Variants in TBC1D9 observed in about 807,000 individuals in gnomAD.
TBC1D9 encodes TBC1 domain family member 9A.
In TBC1D9, 63 loss-of-function variants were observed where a neutral mutation model predicts 132.0. The observed-to-expected ratio is 0.48, with a 90% CI of 0.39 to 0.59. TBC1D9 has a LOEUF of 0.59. Ranked by LOEUF, TBC1D9 falls within the 20% of genes least tolerant of loss-of-function variation. The pLI is 0.00. For missense variants in TBC1D9, 1,261 were observed against 1,592.7 expected (o/e 0.79, Z 3.54); for synonymous variants, 610 against 609.9 (o/e 1.00, Z 0.00).
intron 15 of TBC1D9, among the ~76,000 whole-genome samples, chr4:140,634,593 G>A (rs1213953715): frequency 9.2e-5 from 14 of 152,248 alleles, no homozygotes; most frequent in Admixed American, 6.5e-4. Context: ...TAATGTGACC[G>A]CCTTGTTTTC....
At chr4:140,664,752 C>A (rs1737416339) in intron 9 of TBC1D9, among the ~76,000 whole-genome samples, 1 of 152,088 alleles carries the variant, frequency 6.6e-6, no homozygotes, top group Non-Finnish European at 1.5e-5. Context: ...GGTGCTGGGA[C>A]AACTAGATAT....
chr4:140,699,342 C>A (rs1203675289), intron 2 of TBC1D9, among the ~76,000 whole-genome samples: 1 of 152,100 alleles, frequency 6.6e-6, no homozygotes, highest in Non-Finnish European at 1.5e-5. Context: ...TAGTGATTTC[C>A]CTCCAAAGAG....
At chr4:140,686,206 A>G in intron 3 of TBC1D9, 138 bp downstream of exon 3, 1 of 579,202 alleles carries the variant, frequency 1.7e-6, no homozygotes, top group Non-Finnish European at 3.0e-6. Flanking sequence ...ACATATGAGA[A>G]AGCAAATGCA....
intron 11 of TBC1D9, among the ~76,000 whole-genome samples, chr4:140,659,090 G>A (rs1737317433): frequency 6.6e-6 from 1 of 152,180 alleles, no homozygotes; most frequent in African/African-American, 2.4e-5. Context: ...AGAATTACAA[G>A]GAGTAACAGC....
At chr4:140,689,964 C>T (rs146288126) in intron 2 of TBC1D9, among the ~76,000 whole-genome samples, 272 of 151,148 alleles carry the variant, frequency 1.8e-3, no homozygotes, top group African/African-American at 5.3e-3. Flanking sequence ...TCAAGCAATC[C>T]GCCAGCCTTG....
In TBC1D9 at chr4:140,630,093, A is replaced by G. The variant is rs529169031; in HGVS notation, c.2747-1728T>C. Reference sequence around the variant, plus strand: ...ATTCCATGCTGGAAACCACTATTATACTACATGCAGACATCCTAGGTAGTT... The same window carrying G: ...ATTCCATGCTGGAAACCACTATTATGCTACATGCAGACATCCTAGGTAGTT... On this transcript the variant is annotated intron_variant, in intron 16 of 20. Transcript: ENST00000442267. 3.9e-5 allele frequency among the ~76,000 whole-genome samples: 6 copies of G among 152,312 alleles called. No individual in the cohort carries two copies. In the East Asian group the frequency reaches 1.2e-3, roughly 29 times the overall value.
At chr4:140,698,372 A>G (rs1578845769) in intron 2 of TBC1D9, among the ~76,000 whole-genome samples, 1 of 152,190 alleles carries the variant, frequency 6.6e-6, no homozygotes, top group Non-Finnish European at 1.5e-5. Flanking sequence ...CCTTGAAGCC[A>G]TGCCTTCGTT....
At chr4:140,676,809 A>G (rs1229212068) in intron 6 of TBC1D9, 85 bp downstream of exon 6, 17 of 1,526,792 alleles carry the variant, frequency 1.1e-5, no homozygotes, top group Non-Finnish European at 1.4e-5. Flanking sequence ...TCAAAAGCCA[A>G]TTGTTGGTAA....
intron 15 of TBC1D9, among the ~76,000 whole-genome samples, chr4:140,635,762 T>C (rs1003304179): frequency 6.6e-6 from 1 of 152,086 alleles, no homozygotes; most frequent in African/African-American, 2.4e-5. Context: ...CTTGAGAGAA[T>C]AAAGGAAACT....
chr4:140,629,058 A>G (rs903154086), intron 16 of TBC1D9, among the ~76,000 whole-genome samples: 7 of 152,232 alleles, frequency 4.6e-5, no homozygotes, highest in Non-Finnish European at 2.9e-5. Flanking sequence ...AATAGGAATC[A>G]TAGAATCTGG....
intron 1 of TBC1D9, among the ~76,000 whole-genome samples, chr4:140,748,061 G>A (rs550067694): frequency 9.2e-5 from 14 of 152,232 alleles, no homozygotes; most frequent in African/African-American, 1.2e-4. Flanking sequence ...GAGCATGAAT[G>A]AAAATTAGGA....
intron 13 of TBC1D9, among the ~76,000 whole-genome samples, chr4:140,647,240 C>T (rs1160028095): frequency 6.6e-6 from 1 of 152,186 alleles, no homozygotes; most frequent in African/African-American, 2.4e-5. Context: ...TAGACTGCTA[C>T]CTCTGTTTTG....
At chr4:140,717,360 C>T (rs890848865) in intron 1 of TBC1D9, among the ~76,000 whole-genome samples, 1 of 152,180 alleles carries the variant, frequency 6.6e-6, no homozygotes, top group African/African-American at 2.4e-5. Flanking sequence ...AAAACAACAA[C>T]ATTTAAGCTG....
chr4:140,699,272 A>C (rs1263645517), intron 2 of TBC1D9, among the ~76,000 whole-genome samples: 1 of 152,244 alleles, frequency 6.6e-6, no homozygotes, highest in East Asian at 1.9e-4. Flanking sequence ...TCCATAAATT[A>C]TGTCAATAGT....
At chr4:140,627,600 A>C in intron 17 of TBC1D9, 73 bp from the exon 18 acceptor site, 1 of 964,684 alleles carries the variant, frequency 1.0e-6, no homozygotes, top group Non-Finnish European at 1.6e-6. Context: ...TAATTATTAA[A>C]TAAAATGACA....
chr4:140,655,281 A>G (rs888131524), intron 13 of TBC1D9, among the ~76,000 whole-genome samples: 7 of 152,222 alleles, frequency 4.6e-5, no homozygotes, highest in Non-Finnish European at 1.5e-5. Flanking sequence ...TGGAGTTTCA[A>G]TGAAGATTTT....
At chr4:140,751,839 A>G (rs1456755885) in intron 1 of TBC1D9, among the ~76,000 whole-genome samples, 1 of 152,210 alleles carries the variant, frequency 6.6e-6, no homozygotes, top group Non-Finnish European at 1.5e-5. Context: ...AAAATGCTCA[A>G]CTTCATCAGT....
chr4:140,658,428 T>A (rs189502853), intron 11 of TBC1D9, among the ~76,000 whole-genome samples: 1 of 152,296 alleles, frequency 6.6e-6, no homozygotes, highest in East Asian at 1.9e-4. Context: ...AGTATTATAA[T>A]CTAATGGGAC....
chr4:140,731,614 G>C (rs569734101), intron 1 of TBC1D9, among the ~76,000 whole-genome samples: 8 of 151,984 alleles, frequency 5.3e-5, no homozygotes, highest in South Asian at 2.1e-4. Flanking sequence ...GTGTCTTATA[G>C]AATGAACACC....
Sources: gnomAD v4.1 joint callset for allele counts (sites outside exome capture counted in the v4.1 genomes callset) on GRCh38, gnomAD v4.1.1 for gene constraint, MANE v1.5 for transcripts, NCBI Gene and HGNC (gene_info 2026-07-23, HGNC 2026-07-21) for gene names.